ARFGEF1: variants seen among roughly 807,000 people sequenced by gnomAD.
ARFGEF1 encodes ARF guanine nucleotide exchange factor 1, also known as brefeldin A-inhibited guanine nucleotide-exchange protein 1.
Under a neutral mutation model 231.0 loss-of-function variants are expected in ARFGEF1, and 42 were observed. That is an observed-to-expected ratio of 0.18 (90% confidence interval 0.14 to 0.24). The LOEUF is 0.24. Ranked by LOEUF, ARFGEF1 falls within the 10% of genes least tolerant of loss-of-function variation. The pLI is 1.00. For missense variants in ARFGEF1, 1,345 were observed against 2,192.0 expected, an observed-to-expected ratio of 0.61 and a Z score of 7.72; for synonymous variants, 710 against 732.3, an observed-to-expected ratio of 0.97 and a Z score of 0.49.
intron 17 of ARFGEF1, among the ~76,000 whole-genome samples, chr8:67,254,873 T>C (rs1039531817): frequency 6.6e-6 from 1 of 151,528 alleles, no homozygotes; most frequent in Non-Finnish European, 1.5e-5. Context: ...TACTATCTTA[T>C]AACTTTAAAA....
chr8:67,257,895 T>C (rs113064460), intron 16 of ARFGEF1, 79 bp from the exon 17 acceptor site: 18 of 1,298,148 alleles, frequency 1.4e-5, no homozygotes, highest in South Asian at 4.0e-5. Flanking sequence ...TCAAATCCCA[T>C]AGCACTTTTA....
intron 1 of ARFGEF1, among the ~76,000 whole-genome samples, chr8:67,310,254 C>A (rs1169443039): frequency 6.6e-6 from 1 of 151,984 alleles, no homozygotes; most frequent in South Asian, 2.1e-4. Context: ...ATTGCAGGCA[C>A]GCGCCACCAC....
At chr8:67,300,262 AAAT>A (rs1376258070) in intron 3 of ARFGEF1, among the ~76,000 whole-genome samples, 4 of 152,214 alleles carry the variant, frequency 2.6e-5, no homozygotes, top group Admixed American at 2.6e-4. Flanking sequence ...CCTTAAGGAC[AAAT>A]AATATGGTCT....
chr8:67,296,648 CT>C (rs1384754000), intron 4 of ARFGEF1, 38 bp from the exon 5 acceptor site: 41 of 1,486,570 alleles, frequency 2.8e-5, no homozygotes, highest in Non-Finnish European at 3.5e-5. Context: ...AAGAGATTTT[CT>C]TTTTCTTTTT....
At chr8:67,204,263 T>C (rs1355330261) in intron 35 of ARFGEF1, among the ~76,000 whole-genome samples, 2 of 152,142 alleles carry the variant, frequency 1.3e-5, no homozygotes, top group Non-Finnish European at 2.9e-5. Context: ...TCCAAAGTCG[T>C]CCAAACAGTT....
chr8:67,202,269 T>A (rs1364585498), intron 36 of ARFGEF1, among the ~76,000 whole-genome samples: 2 of 152,054 alleles, frequency 1.3e-5, no homozygotes, highest in African/African-American at 2.4e-5. Flanking sequence ...TTTTCTTTTC[T>A]TTTTTTAAGA....
At chr8:67,294,557 T>C (rs180817359) in intron 5 of ARFGEF1, among the ~76,000 whole-genome samples, 20 of 152,294 alleles carry the variant, frequency 1.3e-4, no homozygotes, top group Non-Finnish European at 2.4e-4. Context: ...ATGGGTATAA[T>C]AGGATTGAAC....
chr8:67,190,998 C>T (rs1427518085), intron 5 of ARFGEF1, among the ~76,000 whole-genome samples: 4 of 152,212 alleles, frequency 2.6e-5, no homozygotes, highest in African/African-American at 9.6e-5. Flanking sequence ...AGTAGCTCCT[C>T]ATCCCAACCT....
intron 7 of ARFGEF1, among the ~76,000 whole-genome samples, chr8:67,286,217 A>T (rs1805751237): frequency 6.6e-6 from 1 of 152,216 alleles, no homozygotes; most frequent in African/African-American, 2.4e-5. Flanking sequence ...CACATACATT[A>T]TGTGCATGGT....
chr8:67,343,425 A>T lies in ARFGEF1; in HGVS notation c.-138T>A. 1 of 1,407,994 alleles carries T rather than the reference A, an allele frequency of 7.1e-7. No homozygotes were observed. Among genetic ancestry groups the T allele is most frequent in the Non-Finnish European group, 9.3e-7 (1 of 1,076,072 alleles). The allele number at this position is 1,407,994 out of a possible 1,614,324, so 87.2% of individuals were successfully genotyped here. A position where few individuals can be genotyped will look rare whatever the true frequency, so the allele number is the denominator to read the frequency against. ...GATTGGAGGCGTGGAGGGCAGCGGC[A>T]GGATCAGGAAGGGGCGGGCGAGCGG... On this transcript the variant is annotated 5_prime_UTR_variant, in exon 1 of 39. Transcript: ENST00000262215.
At position 67,287,972 on chromosome 8, in the gene ARFGEF1, A is replaced by G. The variant is rs746893285; in HGVS notation, c.1010T>C (p.Val337Ala). The change falls in exon 7 of 39, where the codon GTG becomes GCG. Residue 337 changes from valine (V) to alanine (A), a missense_variant. By Grantham distance (64) the Val-to-Ala change is moderately conservative. Transcript: ENST00000262215. The part of the protein sequence containing the change: ...DIVQNIVEEM[V>A]NIVVGDMGEG... ...TATACTACCTCCAACAACAATGTTCACCATTTCTTCTACAATGTTCTGTAC... is the reference window on the plus strand; with the variant it reads ...TATACTACCTCCAACAACAATGTTCGCCATTTCTTCTACAATGTTCTGTAC... The G allele has an allele frequency of 2.4e-5, 38 of 1,589,874 alleles. No individual in the cohort carries two copies. Among genetic ancestry groups the G allele is most frequent in the Middle Eastern group, 1.7e-4 (1 of 5,996 alleles).
intron 22 of ARFGEF1, among the ~76,000 whole-genome samples, chr8:67,236,133 A>AAAACAAAC (rs146783955): frequency 1.3e-5 from 2 of 150,274 alleles, no homozygotes; most frequent in Non-Finnish European, 3.0e-5. Flanking sequence ...TGTCTCTACT[A>AAAACAAAC]AAACAAACAA....
intron 5 of ARFGEF1, chr8:67,190,821 C>T: frequency 8.2e-7 from 1 of 1,222,616 alleles, no homozygotes; most frequent in Non-Finnish European, 1.2e-6. Context: ...GGGTTCTGAC[C>T]TGTGCTAAAT....
downstream of ARFGEF1, among the ~76,000 whole-genome samples, chr8:67,192,913 A>C (rs1292722240): frequency 1.3e-5 from 2 of 152,150 alleles, no homozygotes; most frequent in Non-Finnish European, 2.9e-5. Flanking sequence ...CTGCTGCTTC[A>C]GTTTTTTCCT....
chr8:67,193,395 C>T (rs1836963125), downstream of ARFGEF1: 2 of 1,411,328 alleles, frequency 1.4e-6, no homozygotes, highest in African/African-American at 2.8e-5. Flanking sequence ...CCATGCCTGG[C>T]CCTGATTCAC....
At chr8:67,281,057 T>G (rs1332668194) in intron 7 of ARFGEF1, among the ~76,000 whole-genome samples, 1 of 149,206 alleles carries the variant, frequency 6.7e-6, no homozygotes, top group Non-Finnish European at 1.5e-5. Flanking sequence ...ATGGGGTTCT[T>G]GGGGACAAAA....
In ARFGEF1 at chr8:67,236,465, A is replaced by G. The variant is rs537620379; in HGVS notation, c.3289+1878T>C. On this transcript the variant is annotated intron_variant, in intron 22 of 38. Transcript: ENST00000262215. ...GCTTGACTGTACCACATCTTCTTCT[A>G]GCTTAAATTCTGATGACAACATTCT... Among the ~76,000 whole-genome samples the G allele has an allele frequency of 4.7e-4, 64 of 136,018 alleles. No individual in the cohort carries two copies. In the Middle Eastern group the frequency reaches 0.014, roughly 29 times the overall value. The allele number at this position is 136,018 out of a possible 152,430, so 89.2% of individuals were successfully genotyped here.
intron 38 of ARFGEF1, 194 bp from the exon 39 acceptor site, chr8:67,199,292 T>TACATA: frequency 1.9e-6 from 1 of 527,038 alleles, no homozygotes; most frequent in Admixed American, 4.0e-5. Context: ...ACTATTCACT[T>TACATA]ACATATCCTT....
chr8:67,296,248 G>T (rs1385693003), intron 5 of ARFGEF1, among the ~76,000 whole-genome samples, 183 bp downstream of exon 5: 1 of 152,128 alleles, frequency 6.6e-6, no homozygotes, highest in Non-Finnish European at 1.5e-5. Context: ...CCAAAGTTAA[G>T]TCGGTAAACC....
Sources: gnomAD v4.1 joint callset for allele counts (sites outside exome capture counted in the v4.1 genomes callset) on GRCh38, gnomAD v4.1.1 for gene constraint, MANE v1.5 for transcripts, NCBI Gene and HGNC (gene_info 2026-07-23, HGNC 2026-07-21) for gene names.